The following CPNE4 variants were observed in gnomAD, a reference collection of about 807,000 sequenced individuals.
CPNE4 encodes the protein copine-4.
CPNE4 carries 25 observed loss-of-function variants against 67.9 expected under a neutral mutation model. The observed-to-expected ratio is 0.37, with a 90% CI of 0.27 to 0.51. The LOEUF (loss-of-function observed/expected upper bound fraction) is 0.51, where lower values mean the gene tolerates loss of function less well. Ranked by LOEUF, CPNE4 falls within the 20% of genes least tolerant of loss-of-function variation. The pLI, the probability that CPNE4 is intolerant of heterozygous loss-of-function variation, is 0.93. For synonymous variants in CPNE4, 242 were observed against 244.9 expected, an observed-to-expected ratio of 0.99 and a Z score of 0.11; for missense variants, 464 against 690.8, an observed-to-expected ratio of 0.67 and a Z score of 3.68.
chr3:131,742,065 T>C (rs2082371189), intron 2 of CPNE4, among the ~76,000 whole-genome samples: 1 of 152,204 alleles, frequency 6.6e-6, no homozygotes, highest in Non-Finnish European at 1.5e-5. Context: ...TAATTTTATG[T>C]GTCAAGTTGA....
chr3:131,876,170 C>T (rs2087436322), intron 2 of CPNE4, among the ~76,000 whole-genome samples: 1 of 151,466 alleles, frequency 6.6e-6, no homozygotes, highest in African/African-American at 2.4e-5. Context: ...ACCCAGGAGG[C>T]GGAGGTTACA....
At chr3:131,974,230 G>A (rs1406355691) in intron 1 of CPNE4, among the ~76,000 whole-genome samples, 1 of 152,162 alleles carries the variant, frequency 6.6e-6, no homozygotes, top group Admixed American at 6.5e-5. Context: ...GTTAATGAAA[G>A]TCCTTAATTT....
intron 7 of CPNE4, among the ~76,000 whole-genome samples, chr3:131,637,300 G>A (rs1294672802): frequency 6.6e-6 from 1 of 152,074 alleles, no homozygotes; most frequent in South Asian, 2.1e-4. Context: ...CATGATACAG[G>A]ATATGAAAGG....
chr3:132,005,113 G>A (rs1415788718), intron 1 of CPNE4, among the ~76,000 whole-genome samples: 1 of 151,370 alleles, frequency 6.6e-6, no homozygotes, highest in Non-Finnish European at 1.5e-5. Flanking sequence ...TGCTCTCTGT[G>A]GTGACTATGA....
chr3:131,552,632 C>T, intron 12 of CPNE4, 141 bp from the exon 13 acceptor site: 1 of 618,258 alleles, frequency 1.6e-6, no homozygotes. Context: ...CCATTTCAAG[C>T]CTTTACACAA....
At chr3:131,762,908 G>A (rs572483940) in intron 2 of CPNE4, among the ~76,000 whole-genome samples, 4 of 124,642 alleles carry the variant, frequency 3.2e-5, no homozygotes, top group Admixed American at 1.5e-4. Context: ...TACATGCTAC[G>A]ACAGAAAAAA....
At chr3:131,858,170 C>G (rs2086525391) in intron 2 of CPNE4, among the ~76,000 whole-genome samples, 1 of 152,118 alleles carries the variant, frequency 6.6e-6, no homozygotes, top group African/African-American at 2.4e-5. Flanking sequence ...GATTTGTCCT[C>G]TGAGAACATA....
At chr3:131,539,117 T>C (rs776070299) in intron 15 of CPNE4, among the ~76,000 whole-genome samples, 2 of 152,210 alleles carry the variant, frequency 1.3e-5, no homozygotes, top group Non-Finnish European at 2.9e-5. Context: ...ATTTATGGCT[T>C]ATTGAATTCA....
chr3:131,711,384 T>C (rs1382812739), intron 3 of CPNE4, among the ~76,000 whole-genome samples: 1 of 152,170 alleles, frequency 6.6e-6, no homozygotes, highest in African/African-American at 2.4e-5. Flanking sequence ...GTAATACCAG[T>C]TTTACTGGTT....
At chr3:131,547,307 T>C (rs1048331726) in intron 14 of CPNE4, among the ~76,000 whole-genome samples, 2 of 151,712 alleles carry the variant, frequency 1.3e-5, no homozygotes, top group African/African-American at 4.8e-5. Flanking sequence ...ATATAAAAAT[T>C]AGCTGGGCGT....
At chr3:131,821,358 C>T (rs934918612) in intron 2 of CPNE4, among the ~76,000 whole-genome samples, 1 of 152,194 alleles carries the variant, frequency 6.6e-6, no homozygotes, top group Non-Finnish European at 1.5e-5. Flanking sequence ...AGTTTGGCAA[C>T]TGGACGGACC....
intron 7 of CPNE4, among the ~76,000 whole-genome samples, chr3:131,633,803 GAGAA>G (rs2079301610): frequency 6.6e-6 from 1 of 151,716 alleles, no homozygotes; most frequent in South Asian, 2.1e-4. Context: ...CCAAAGAAAG[GAGAA>G]AGAAAGAAAA....
chr3:131,832,200 G>A (rs1370928019), intron 2 of CPNE4, among the ~76,000 whole-genome samples: 2 of 151,944 alleles, frequency 1.3e-5, no homozygotes, highest in Non-Finnish European at 2.9e-5. Context: ...TAGATTGATT[G>A]TAAACTCCCA....
chr3:131,908,456 T>G (rs1008021840), intron 1 of CPNE4, among the ~76,000 whole-genome samples: 8 of 152,080 alleles, frequency 5.3e-5, no homozygotes, highest in Non-Finnish European at 1.0e-4. Flanking sequence ...CAGCTTATTC[T>G]TCAATCAATA....
intron 1 of CPNE4, among the ~76,000 whole-genome samples, chr3:132,004,064 T>C (rs2073525308): frequency 6.6e-6 from 1 of 152,034 alleles, no homozygotes; most frequent in South Asian, 2.1e-4. Flanking sequence ...TATCCTGCTC[T>C]CCACACCCTT....
chr3:131,917,560 GCTCTCTCT>G (rs113280712), intron 1 of CPNE4, among the ~76,000 whole-genome samples: 2 of 148,560 alleles, frequency 1.3e-5, no homozygotes, highest in East Asian at 2.0e-4. Context: ...ATATGTTCTT[GCTCTCTCT>G]CTCTCTCTCT....
intron 1 of CPNE4, among the ~76,000 whole-genome samples, chr3:132,029,521 C>G (rs2107701065): frequency 6.6e-6 from 1 of 152,278 alleles, no homozygotes; most frequent in Non-Finnish European, 1.5e-5. Context: ...GTCCGTCCTT[C>G]TAGACTCACC....
At chr3:131,741,457 A>T (rs1285292035) in intron 2 of CPNE4, among the ~76,000 whole-genome samples, 1 of 152,198 alleles carries the variant, frequency 6.6e-6, no homozygotes, top group African/African-American at 2.4e-5. Context: ...TCTAGAATTA[A>T]AAATAATAAG....
intron 2 of CPNE4, among the ~76,000 whole-genome samples, chr3:131,802,910 C>A (rs981805968): frequency 3.3e-5 from 5 of 152,100 alleles, no homozygotes; most frequent in Admixed American, 6.6e-5. Context: ...CCCACAGAGA[C>A]AATCTTCCCT....
Sources: gnomAD v4.1 joint callset for allele counts (sites outside exome capture counted in the v4.1 genomes callset) on GRCh38, gnomAD v4.1.1 for gene constraint, MANE v1.5 for transcripts, NCBI Gene and HGNC (gene_info 2026-07-23, HGNC 2026-07-21) for gene names.